RIMBP2: variants seen among roughly 807,000 people sequenced by gnomAD.
RIMBP2 encodes the protein RIMS binding protein 2.
In RIMBP2, 48 loss-of-function variants were observed where a neutral mutation model predicts 118.6. That is an observed-to-expected ratio of 0.40 (90% CI 0.32 to 0.51). RIMBP2 has a LOEUF of 0.51. RIMBP2 is among the 20% of genes least tolerant of loss of function. The pLI is 0.41. For missense variants in RIMBP2, 1,551 were observed against 1,768.3 expected, an observed-to-expected ratio of 0.88 and a Z score of 2.20; for synonymous variants, 762 against 742.9, an observed-to-expected ratio of 1.03 and a Z score of -0.42.
chr12:130,513,244 A>G (rs988141424), intron 3 of RIMBP2, among the ~76,000 whole-genome samples: 1 of 152,188 alleles, frequency 6.6e-6, no homozygotes, highest in Non-Finnish European at 1.5e-5. Flanking sequence ...AGACCTGCTC[A>G]CCACACACAA....
rs1348528416 is a variant in RIMBP2, at chr12:130,462,374, C to T, written c.154-5674G>A. On this transcript the variant is annotated intron_variant, in intron 6 of 22. Transcript: ENST00000690449. ...TGGCCAGTGCAGATACCAGGAAGGCCGCGCTGCCGCAAGCCTGGAGACAGC... is the reference window on the plus strand; with the variant it reads ...TGGCCAGTGCAGATACCAGGAAGGCTGCGCTGCCGCAAGCCTGGAGACAGC... 5.9e-5 allele frequency among the ~76,000 whole-genome samples: 9 copies of T among 152,172 alleles called. No homozygotes were observed. The East Asian group carries it at 1.4e-3, about 23-fold the overall frequency.
At position 130,479,597 on chromosome 12, in the gene RIMBP2, G is replaced by A. The variant is rs547484750; in HGVS notation, c.-3-581C>T. Among the ~76,000 whole-genome samples, 137 of 127,372 alleles carry A rather than the reference G, an allele frequency of 1.1e-3. 3 individuals carry two copies. In the South Asian group the frequency reaches 0.03, roughly 28 times the overall value. 83.6% of individuals were successfully genotyped at this position (127,372 alleles called of 152,430 possible). ...GCAAACCCAGAGTCCGCACCCTCCC[G>A]GGAGCTTCCCGGCCTCGGGCCGAGT... On this transcript the variant is annotated intron_variant, in intron 4 of 22. Transcript: ENST00000690449.
intron 2 of RIMBP2, among the ~76,000 whole-genome samples, chr12:130,560,575 C>A (rs2056740991): frequency 6.6e-6 from 1 of 152,214 alleles, no homozygotes; most frequent in African/African-American, 2.4e-5. Context: ...TACCATAAAC[C>A]ATGGGTTACG....
At chr12:130,699,946 A>T (rs1371918872) in intron 1 of RIMBP2, among the ~76,000 whole-genome samples, 1 of 148,718 alleles carries the variant, frequency 6.7e-6, no homozygotes, top group African/African-American at 2.5e-5. Context: ...CAGGTTTTAT[A>T]TTAAAATATC....
At chr12:130,516,975 C>A (rs79238684) in intron 3 of RIMBP2, among the ~76,000 whole-genome samples, 1 of 152,056 alleles carries the variant, frequency 6.6e-6, no homozygotes, top group African/African-American at 2.4e-5. Context: ...AGCTGGGGCA[C>A]GTCTGGTGCT....
intron 1 of RIMBP2, among the ~76,000 whole-genome samples, chr12:130,663,448 CT>C (rs1384521872): frequency 2.0e-5 from 3 of 148,210 alleles, no homozygotes; most frequent in Non-Finnish European, 4.4e-5. Flanking sequence ...TTAAAATTGC[CT>C]TTTTTTCCAC....
intron 6 of RIMBP2, chr12:130,466,043 CCT>C (rs2080447086): frequency 6.6e-6 from 1 of 152,196 alleles, no homozygotes. Flanking sequence ...CATTAACCTC[CCT>C]GTGTCTTGGT....
At chr12:130,597,951 CTT>C (rs963356383) in intron 2 of RIMBP2, among the ~76,000 whole-genome samples, 2 of 152,108 alleles carry the variant, frequency 1.3e-5, no homozygotes, top group Admixed American at 1.3e-4. Context: ...GGAAAATGGT[CTT>C]TATTTGTGGA....
chr12:130,604,601 TGA>T (rs2140475245), intron 2 of RIMBP2, among the ~76,000 whole-genome samples: 1 of 71,662 alleles, frequency 1.4e-5, no homozygotes, highest in African/African-American at 5.3e-5. Flanking sequence ...TTTTTTTTTT[TGA>T]GACAGAGTCT....
intron 1 of RIMBP2, among the ~76,000 whole-genome samples, chr12:130,655,591 CTA>C (rs2063394219): frequency 6.6e-6 from 1 of 152,194 alleles, no homozygotes; most frequent in Admixed American, 6.5e-5. Flanking sequence ...AAAATATGAT[CTA>C]TGTTTGTAAA....
chr12:130,425,847 C>T (rs4759462), intron 15 of RIMBP2: 29,962 of 152,334 alleles, frequency 0.2, 3,308 homozygotes, highest in East Asian at 0.43. Context: ...ACTTGTCTGT[C>T]CCCCCTCTTG....
At chr12:130,681,787 T>C (rs759844389) in intron 1 of RIMBP2, among the ~76,000 whole-genome samples, 3 of 152,108 alleles carry the variant, frequency 2.0e-5, no homozygotes, top group African/African-American at 7.2e-5. Context: ...CTCCACCTTC[T>C]GGGTTCAAGT....
intron 1 of RIMBP2, among the ~76,000 whole-genome samples, chr12:130,657,189 C>T (rs1473467062): frequency 6.6e-6 from 1 of 152,194 alleles, no homozygotes; most frequent in Non-Finnish European, 1.5e-5. Context: ...TGTCACCACA[C>T]GTGGCCAAAT....
chr12:130,626,393 G>A lies in RIMBP2; in HGVS notation c.-217+1929C>T, dbSNP rs1456497569. The stretch of plus-strand genomic sequence containing the variant: ...GCATCACCACCATCTTCTCCATCAC[G>A]ACTACCGCCAGCATCACCATCAGCT... On this transcript the variant is annotated intron_variant, in intron 2 of 22. Transcript: ENST00000690449. Among the ~76,000 whole-genome samples, 7 of 104,126 alleles carry A rather than the reference G, an allele frequency of 6.7e-5. 1 individual carries two copies. Among genetic ancestry groups the A allele is most frequent in the African/African-American group, 2.2e-4 (5 of 23,156 alleles). 68.3% of individuals were successfully genotyped at this position (104,126 alleles called of 152,430 possible).
At chr12:130,518,069 C>T (rs552204128) in intron 2 of RIMBP2, among the ~76,000 whole-genome samples, 152 bp from the exon 3 acceptor site, 51 of 152,310 alleles carry the variant, frequency 3.3e-4, no homozygotes, top group Middle Eastern at 3.4e-3. Flanking sequence ...GGACTGATTT[C>T]TCTCTTTTTT....
At chr12:130,452,788 C>T (rs904036944) in intron 7 of RIMBP2, among the ~76,000 whole-genome samples, 1 of 152,222 alleles carries the variant, frequency 6.6e-6, no homozygotes, top group Non-Finnish European at 1.5e-5. Flanking sequence ...GCCCTTCCTG[C>T]CTGACACCGC....
Position 130,437,182 on chromosome 12 carries a change from T to C in RIMBP2, c.1766A>G (p.Glu589Gly). Reference protein sequence around the residue: ...VTVRTLSAQGESVDSAVAAVP... With the variant: ...VTVRTLSAQGGSVDSAVAAVP... The stretch of plus-strand genomic sequence containing the variant: ...GGCAGCAACTGCAGAGTCCACGGAC[T>C]CGCCCTGGGCGGAGAGGGTCCGCAC... Residue 589 changes from glutamate to glycine, a missense_variant, in exon 13 of 23, where the codon GAG (glutamate) becomes GGG (glycine). Physicochemically the swap from Glu to Gly is moderately conservative, Grantham distance 98. This residue lies in a region of RIMBP2 where 1,038 missense variants were observed against 1,125.1 expected (regional missense o/e 0.92). Coordinates refer to ENST00000690449, the MANE Select transcript of RIMBP2 (RefSeq NM_001393629.1). The C allele has an allele frequency of 6.3e-7, 1 of 1,587,570 alleles. No individual in the cohort carries two copies. The highest frequency in any genetic ancestry group is 8.6e-7 in the Non-Finnish European group (1 of 1,168,798).
At chr12:130,540,883 G>C (rs986369209) in intron 2 of RIMBP2, among the ~76,000 whole-genome samples, 10 of 152,202 alleles carry the variant, frequency 6.6e-5, no homozygotes, top group African/African-American at 2.2e-4. Context: ...GGTATTTCAA[G>C]GGGATTTGAT....
intron 1 of RIMBP2, among the ~76,000 whole-genome samples, chr12:130,698,527 G>A (rs2065682925): frequency 6.6e-6 from 1 of 152,172 alleles, no homozygotes; most frequent in Admixed American, 6.5e-5. Flanking sequence ...AGGCTGAGGT[G>A]GGTGGATCTC....
Sources: allele counts gnomAD v4.1 joint callset (sites outside exome capture counted in the v4.1 genomes callset), GRCh38; gene constraint gnomAD v4.1.1; regional missense constraint gnomAD v4.1.1; transcripts MANE v1.5; gene names NCBI Gene and HGNC (gene_info 2026-07-23, HGNC 2026-07-21).